The following ALLC variants were observed in gnomAD, a reference collection of about 807,000 sequenced individuals.
ALLC encodes allantoicase.
ALLC carries 40 observed loss-of-function variants against 45.0 expected under a neutral mutation model. That is an observed-to-expected ratio of 0.89 (90% CI 0.69 to 1.16). The LOEUF (loss-of-function observed/expected upper bound fraction) is 1.16, where lower values mean the gene tolerates loss of function less well. ALLC is among the 50% of genes most tolerant of loss of function. ALLC has a pLI of 0.00. For synonymous variants in ALLC, 176 were observed against 178.1 expected, an observed-to-expected ratio of 0.99 and a Z score of 0.09; for missense variants, 488 against 493.1, an observed-to-expected ratio of 0.99 and a Z score of 0.10.
chr2:3,701,469 T>C lies in ALLC; in HGVS notation c.851-43T>C. ...ATGATATCCTATACGCCAAACTGAGTGCAAATGCGGGCAGAAAATCACGCT... is the reference window on the plus strand; with the variant it reads ...ATGATATCCTATACGCCAAACTGAGCGCAAATGCGGGCAGAAAATCACGCT... On this transcript the variant is annotated intron_variant, in intron 10 of 11. Transcript: ENST00000252505. The C allele has an allele frequency of 2.6e-6, 4 of 1,542,274 alleles. No individual in the cohort carries two copies. In the South Asian group the frequency reaches 4.8e-5, roughly 19 times the overall value.
At chr2:3,691,774 A>T (rs6746408) in intron 7 of ALLC, among the ~76,000 whole-genome samples, 70,081 of 151,918 alleles carry the variant, frequency 0.46, 16,716 homozygotes, top group African/African-American at 0.59. Flanking sequence ...TTGAGGTAAT[A>T]TTTTATATCT....
chr2:3,647,649 C>T, the ALLC span, among the ~76,000 whole-genome samples: 1 of 149,440 alleles, frequency 6.7e-6, no homozygotes, highest in African/African-American at 2.5e-5. Flanking sequence ...TCCTGATGCC[C>T]CTGGGGGTCG....
At chr2:3,687,834 C>T (rs1667369162) in intron 7 of ALLC, among the ~76,000 whole-genome samples, 2 of 151,066 alleles carry the variant, frequency 1.3e-5, no homozygotes, top group Admixed American at 6.6e-5. Flanking sequence ...ATGTGGCTCC[C>T]TAGGCCCCTC....
chr2:3,680,343 C>T lies in ALLC; in HGVS notation c.298+349C>T, dbSNP rs1667146015. Among the ~76,000 whole-genome samples, 1 of 152,042 alleles carries T rather than the reference C, an allele frequency of 6.6e-6. No homozygotes were observed. Among genetic ancestry groups the T allele is most frequent in the African/African-American group, 2.4e-5 (1 of 41,316 alleles). ...TCAGATGACCCGGGTGATGTGGACC[C>T]AGGTCTGGGACAGCTGTGGGGTGAG... On this transcript the variant is annotated intron_variant, in intron 5 of 11. Transcript: ENST00000252505. This position sits in a 1 kb window ranked among gnomAD's most constrained non-coding sequence, Gnocchi z 4.0.
intron 6 of ALLC, among the ~76,000 whole-genome samples, chr2:3,682,069 C>T (rs960730361): frequency 3.3e-5 from 5 of 151,510 alleles, no homozygotes; most frequent in Admixed American, 6.6e-5. Flanking sequence ...ATAAAAGAAA[C>T]GGGGGAAAAA....
chr2:3,645,941 A>G, the ALLC span, among the ~76,000 whole-genome samples: 2 of 152,140 alleles, frequency 1.3e-5, no homozygotes, highest in African/African-American at 4.8e-5. The surrounding 1 kb of genome is among the most constrained non-coding windows in gnomAD (Gnocchi z 4.3). Context: ...GGAGGCCCCG[A>G]CGGCCCTTTG....
At chr2:3,683,947 T>G (rs1276853439) in intron 7 of ALLC, among the ~76,000 whole-genome samples, 1 of 152,176 alleles carries the variant, frequency 6.6e-6, no homozygotes, top group Non-Finnish European at 1.5e-5. Context: ...TCTCAAGCAT[T>G]TCAGATAAGG....
At chr2:3,692,938 G>A (rs527920441) in intron 7 of ALLC, among the ~76,000 whole-genome samples, 1 of 152,232 alleles carries the variant, frequency 6.6e-6, no homozygotes, top group East Asian at 1.9e-4. Context: ...CCAGGGCTTA[G>A]CCTCAGTAAC....
At chr2:3,697,645 A>G (rs1310557241) in intron 10 of ALLC, among the ~76,000 whole-genome samples, 189 bp downstream of exon 10, 8 of 151,556 alleles carry the variant, frequency 5.3e-5, no homozygotes, top group African/African-American at 1.9e-4. Context: ...CTATCTATCT[A>G]TCTATCTATC....
In ALLC at chr2:3,671,111, C is replaced by G. The variant is rs778918019; in HGVS notation, c.-47C>G. The G allele has an allele frequency of 5.6e-6, 9 of 1,598,668 alleles. No homozygotes were observed. The highest frequency in any genetic ancestry group is 7.7e-6 in the Non-Finnish European group (9 of 1,172,482). Reference sequence around the variant, plus strand: ...TCCCTTCCAGGAAGCACGGCTGATGCTCCGAAGGAGGGAAGACTGACCCGG... The same window carrying G: ...TCCCTTCCAGGAAGCACGGCTGATGGTCCGAAGGAGGGAAGACTGACCCGG... On this transcript the variant is annotated 5_prime_UTR_variant, in exon 2 of 12. Transcript: ENST00000252505.
chr2:3,649,727 A>G, the ALLC span, among the ~76,000 whole-genome samples: 1 of 152,246 alleles, frequency 6.6e-6, no homozygotes, highest in Non-Finnish European at 1.5e-5. Flanking sequence ...GTCCCATCGC[A>G]GGGCAACACA....
chr2:3,675,588 A>ATG (rs1463863480), intron 3 of ALLC, among the ~76,000 whole-genome samples: 2 of 149,616 alleles, frequency 1.3e-5, no homozygotes, highest in African/African-American at 5.1e-5. Context: ...TTGAGCATAT[A>ATG]TATATATATA....
intron 6 of ALLC, among the ~76,000 whole-genome samples, chr2:3,682,548 C>T (rs575437472): frequency 5.6e-4 from 85 of 152,204 alleles, no homozygotes; most frequent in Non-Finnish European, 9.6e-4. Context: ...TTTTTTGGGA[C>T]GGAGTCTCGC....
chr2:3,662,355 T>A (rs909515281), intron 1 of ALLC, among the ~76,000 whole-genome samples: 2 of 152,184 alleles, frequency 1.3e-5, no homozygotes, highest in African/African-American at 4.8e-5. Flanking sequence ...TCACCCAGGG[T>A]GGAAGTGTGT....
intron 10 of ALLC, 115 bp from the exon 11 acceptor site, chr2:3,701,397 G>T: frequency 7.7e-7 from 1 of 1,299,166 alleles, no homozygotes. Context: ...TGCTCAGGAA[G>T]AGCAGGGACT....
chr2:3,678,417 C>T, intron 3 of ALLC, 51 bp from the exon 4 acceptor site: 1 of 1,487,706 alleles, frequency 6.7e-7, no homozygotes, highest in Non-Finnish European at 9.4e-7. Context: ...TGCTGGAAGC[C>T]AGGAGATCAC....
At position 3,695,875 on chromosome 2, in the gene ALLC, AAG is replaced by A. The variant is rs753446368; in HGVS notation, c.667+5_667+6del. 1 of 1,601,582 alleles carries A rather than the reference AAG, an allele frequency of 6.2e-7. No homozygotes were observed. Among genetic ancestry groups the A allele is most frequent in the Non-Finnish European group, 8.5e-7 (1 of 1,174,894 alleles). On this transcript the variant is annotated splice_donor_5th_base_variant and intron_variant, in intron 8 of 11. Coordinates refer to ENST00000252505, the MANE Select transcript of ALLC (RefSeq NM_018436.4). ...TGGGCACCCAAACAATATAATAGGT[AAG>A]ATGATATTCTTGGAGCTGGCTTATT...
At chr2:3,684,523 A>G (rs1426061569) in intron 7 of ALLC, among the ~76,000 whole-genome samples, 1 of 152,188 alleles carries the variant, frequency 6.6e-6, no homozygotes, top group African/African-American at 2.4e-5. Context: ...CCATCACCAG[A>G]GCAGTGTACA....
At chr2:3,693,323 A>T (rs1206292427) in intron 7 of ALLC, among the ~76,000 whole-genome samples, 1 of 152,210 alleles carries the variant, frequency 6.6e-6, no homozygotes, top group Non-Finnish European at 1.5e-5. Flanking sequence ...TCTGGTTATG[A>T]TGCTTTAAAG....
Sources: gnomAD v4.1 joint callset for allele counts (sites outside exome capture counted in the v4.1 genomes callset) on GRCh38, gnomAD v4.1.1 for gene constraint, Gnocchi (gnomAD v3.1) non-coding constraint, MANE v1.5 for transcripts, NCBI Gene and HGNC (gene_info 2026-07-23, HGNC 2026-07-21) for gene names.